CNTN4: variants seen among roughly 807,000 people sequenced by gnomAD.
The protein encoded by CNTN4 is contactin-4.
Under a neutral mutation model 122.5 loss-of-function variants are expected in CNTN4, and 77 were observed. That is an observed-to-expected ratio of 0.63 (90% CI 0.52 to 0.76). The LOEUF (loss-of-function observed/expected upper bound fraction) is 0.76, where lower values mean the gene tolerates loss of function less well. Ranked by LOEUF, CNTN4 falls within the 30% of genes least tolerant of loss-of-function variation. The pLI is 0.00. For synonymous variants in CNTN4, 512 were observed against 447.0 expected (o/e 1.15, Z -1.83); for missense variants, 1,256 against 1,259.1 (o/e 1.00, Z 0.04).
intron 4 of CNTN4, chr3:2,736,010 G>T: frequency 1.4e-6 from 1 of 697,898 alleles, no homozygotes; most frequent in Non-Finnish European, 2.7e-6. Context: ...TGTGAAATAA[G>T]AGGGCTTATA....
chr3:2,665,953 G>A (rs1559363397), intron 4 of CNTN4, among the ~76,000 whole-genome samples: 1 of 152,068 alleles, frequency 6.6e-6, no homozygotes, highest in Non-Finnish European at 1.5e-5. Context: ...TTTATCTCTT[G>A]GTAAAGGATA....
intron 2 of CNTN4, among the ~76,000 whole-genome samples, chr3:2,287,766 G>C (rs536346523): frequency 6.8e-6 from 1 of 147,250 alleles, no homozygotes; most frequent in Non-Finnish European, 1.5e-5. Flanking sequence ...AGAAGAAGAA[G>C]AAGAAGAAGA....
chr3:2,296,783 T>G (rs1332294791), intron 2 of CNTN4, among the ~76,000 whole-genome samples: 1 of 137,406 alleles, frequency 7.3e-6, no homozygotes, highest in Non-Finnish European at 1.6e-5. Flanking sequence ...TATCACCCTT[T>G]GCTCTGAAAA....
intron 4 of CNTN4, among the ~76,000 whole-genome samples, chr3:2,731,403 CTGAT>C (rs2088671066): frequency 6.6e-6 from 1 of 152,132 alleles, no homozygotes; most frequent in Non-Finnish European, 1.5e-5. Context: ...AGCCTAGTGA[CTGAT>C]TGGCAGGTAC....
chr3:2,620,412 A>G lies in CNTN4; in HGVS notation c.55+48854A>G, dbSNP rs117761252. Among the ~76,000 whole-genome samples, 213 of 152,230 alleles carry G rather than the reference A, an allele frequency of 1.4e-3. 2 individuals are homozygous for G. In the East Asian group the frequency reaches 0.028, roughly 20 times the overall value. On this transcript the variant is annotated intron_variant, in intron 4 of 24. Coordinates refer to ENST00000418658, the MANE Select transcript of CNTN4 (RefSeq NM_175607.3). ...CTACATGGGAGGCTAAGGTAGGAGG[A>G]TCACCTGAGCCCAGCAGGTTGAGGC...
At chr3:2,715,777 A>G (rs565609844) in intron 4 of CNTN4, among the ~76,000 whole-genome samples, 71 of 152,146 alleles carry the variant, frequency 4.7e-4, no homozygotes, top group African/African-American at 1.5e-3. Flanking sequence ...GCTCTTTGGT[A>G]TCTCCTTTTA....
chr3:2,137,568 T>C (rs780993141), intron 2 of CNTN4, among the ~76,000 whole-genome samples: 1 of 152,210 alleles, frequency 6.6e-6, no homozygotes, highest in Non-Finnish European at 1.5e-5. Flanking sequence ...GCTTAAGTTA[T>C]ATTTGTGAGT....
chr3:2,192,441 C>G (rs1318490648), intron 2 of CNTN4, among the ~76,000 whole-genome samples: 2 of 152,124 alleles, frequency 1.3e-5, no homozygotes, highest in Non-Finnish European at 2.9e-5. Flanking sequence ...GGAATGGGAT[C>G]TAATTAAACT....
intron 2 of CNTN4, among the ~76,000 whole-genome samples, chr3:2,221,943 T>G (rs1229886849): frequency 3.9e-5 from 6 of 152,194 alleles, no homozygotes; most frequent in Non-Finnish European, 7.4e-5. Context: ...CCTCATACAC[T>G]GCTGGTAGAA....
At chr3:2,812,505 A>G (rs183829367) in intron 6 of CNTN4, among the ~76,000 whole-genome samples, 17 of 152,334 alleles carry the variant, frequency 1.1e-4, no homozygotes, top group Middle Eastern at 3.4e-3. Context: ...ACTTGAAAGC[A>G]TAATTAGGAC....
chr3:2,610,829 A>G (rs2081450684), intron 4 of CNTN4, among the ~76,000 whole-genome samples: 1 of 152,178 alleles, frequency 6.6e-6, no homozygotes, highest in Non-Finnish European at 1.5e-5. Context: ...GGCGTTTTCC[A>G]TTGCTAAAAA....
In CNTN4 at chr3:2,709,615, T is replaced by C. The variant is rs545639164; in HGVS notation, c.56-26600T>C. Among the ~76,000 whole-genome samples the C allele has an allele frequency of 6.6e-6, 1 of 152,296 alleles. No individual in the cohort carries two copies. The highest frequency in any genetic ancestry group is 2.1e-4 in the South Asian group (1 of 4,830). On this transcript the variant is annotated intron_variant, in intron 4 of 24. Transcript: ENST00000418658. The surrounding 1 kb of genome is among the most constrained non-coding windows in gnomAD (Gnocchi z 5.0). Reference sequence around the variant, plus strand: ...GAAAAATGTTTTTAATAATTAATCATTTAAATTCCACAATGTGGCTGGGTG... The same window carrying C: ...GAAAAATGTTTTTAATAATTAATCACTTAAATTCCACAATGTGGCTGGGTG...
At chr3:2,916,838 C>T (rs1347121625) in intron 12 of CNTN4, among the ~76,000 whole-genome samples, 2 of 150,940 alleles carry the variant, frequency 1.3e-5, no homozygotes, top group Non-Finnish European at 2.9e-5. Flanking sequence ...TCCTCAGTTC[C>T]CAGACGGGGC....
At chr3:2,255,079 G>A (rs964506298) in intron 2 of CNTN4, among the ~76,000 whole-genome samples, 2 of 152,138 alleles carry the variant, frequency 1.3e-5, no homozygotes, top group Non-Finnish European at 2.9e-5. Context: ...GTAAGGAAGG[G>A]CTCCAGTTTC....
intron 4 of CNTN4, among the ~76,000 whole-genome samples, chr3:2,574,596 A>G (rs1241212095): frequency 6.6e-6 from 1 of 152,194 alleles, no homozygotes; most frequent in Non-Finnish European, 1.5e-5. Flanking sequence ...CCAGTAATCT[A>G]AAAGTTCAGC....
chr3:2,996,968 C>T (rs1009556162), intron 14 of CNTN4, among the ~76,000 whole-genome samples: 7 of 152,150 alleles, frequency 4.6e-5, no homozygotes, highest in African/African-American at 1.2e-4. Flanking sequence ...ATCTTTTTCT[C>T]GTGCATATCT....
In CNTN4 at chr3:2,466,872, G is replaced by A. The variant is rs143882345; in HGVS notation, c.-88-104544G>A. ...TTCCAACTGTTATTTAATCATTGTAGAAAGTAGAGAAAGTAGAGGGTCCTT... is the reference window on the plus strand; with the variant it reads ...TTCCAACTGTTATTTAATCATTGTAAAAAGTAGAGAAAGTAGAGGGTCCTT... On this transcript the variant is annotated intron_variant, in intron 3 of 24. Transcript: ENST00000418658. Among the ~76,000 whole-genome samples the A allele has an allele frequency of 6.1e-3, 934 of 151,910 alleles. 10 individuals are homozygous for A. The highest frequency in any genetic ancestry group is 0.022 in the African/African-American group (901 of 41,426).
intron 4 of CNTN4, among the ~76,000 whole-genome samples, chr3:2,650,200 T>C (rs2083302012): frequency 6.6e-6 from 1 of 151,648 alleles, no homozygotes; most frequent in Non-Finnish European, 1.5e-5. Context: ...ACGGATGACT[T>C]TGAGGGGCTT....
intron 2 of CNTN4, among the ~76,000 whole-genome samples, chr3:2,198,050 A>G (rs2149373789): frequency 6.6e-6 from 1 of 152,032 alleles, no homozygotes; most frequent in Non-Finnish European, 1.5e-5. Context: ...AAAGGAGAGA[A>G]TTTTGGCAAT....
Sources: gnomAD v4.1 joint callset for allele counts (sites outside exome capture counted in the v4.1 genomes callset) on GRCh38, gnomAD v4.1.1 for gene constraint, Gnocchi (gnomAD v3.1) non-coding constraint, MANE v1.5 for transcripts, NCBI Gene and HGNC (gene_info 2026-07-23, HGNC 2026-07-21) for gene names.